The following PPP2R2B variants were observed in gnomAD, a reference collection of about 807,000 sequenced individuals.
PPP2R2B encodes the protein protein phosphatase 2 regulatory subunit Bbeta, also known as serine/threonine-protein phosphatase 2A 55 kDa regulatory subunit B beta isoform.
A neutral mutation model predicts 46.0 loss-of-function variants in PPP2R2B; 5 were observed. The ratio of observed to expected loss-of-function variants is 0.11; its 90% CI spans 0.06 to 0.23. The LOEUF (loss-of-function observed/expected upper bound fraction) is 0.23, where lower values mean the gene tolerates loss of function less well. PPP2R2B is among the 10% of genes least tolerant of loss of function. The pLI, the probability that PPP2R2B is intolerant of heterozygous loss-of-function variation, is 1.00. For synonymous variants in PPP2R2B, 215 were observed against 206.7 expected, an observed-to-expected ratio of 1.04 and a Z score of -0.34; for missense variants, 367 against 575.0, an observed-to-expected ratio of 0.64 and a Z score of 3.70.
intron 1 of PPP2R2B, among the ~76,000 whole-genome samples, chr5:146,896,220 T>A (rs948734812): frequency 1.3e-5 from 2 of 152,160 alleles, no homozygotes; most frequent in African/African-American, 4.8e-5. Context: ...AATCAAATCA[T>A]CCACAATTTG....
intron 2 of PPP2R2B, among the ~76,000 whole-genome samples, chr5:146,721,226 T>C (rs1329316408): frequency 6.6e-6 from 1 of 152,232 alleles, no homozygotes; most frequent in East Asian, 1.9e-4. Context: ...TTTCACTATT[T>C]AATCTTCTGC....
chr5:146,903,098 A>G (rs1168176581), intron 1 of PPP2R2B, among the ~76,000 whole-genome samples: 1 of 152,216 alleles, frequency 6.6e-6, no homozygotes, highest in Non-Finnish European at 1.5e-5. Flanking sequence ...TGTTAAAGAG[A>G]TTTATAAAAA....
At chr5:146,672,568 G>T (rs1251106274) in intron 5 of PPP2R2B, among the ~76,000 whole-genome samples, 1 of 152,126 alleles carries the variant, frequency 6.6e-6, no homozygotes, top group Non-Finnish European at 1.5e-5. Context: ...GCATGTACCA[G>T]ATTAAAGTTA....
intron 2 of PPP2R2B, among the ~76,000 whole-genome samples, chr5:146,707,808 TACA>T (rs1779956603): frequency 6.6e-6 from 1 of 152,238 alleles, no homozygotes; most frequent in African/African-American, 2.4e-5. Flanking sequence ...TGTTAATGAC[TACA>T]CATACCCACA....
intron 2 of PPP2R2B, among the ~76,000 whole-genome samples, chr5:146,851,462 TGTGA>T (rs1760347160): frequency 6.6e-6 from 1 of 152,142 alleles, no homozygotes; most frequent in Non-Finnish European, 1.5e-5. Flanking sequence ...TCCTGTTCCA[TGTGA>T]GTGAGATCAT....
At chr5:146,750,912 C>T (rs1753517253) in intron 2 of PPP2R2B, among the ~76,000 whole-genome samples, 1 of 152,134 alleles carries the variant, frequency 6.6e-6, no homozygotes, top group African/African-American at 2.4e-5. Context: ...AAGGTCCCCA[C>T]CCTCAGGGAA....
intron 7 of PPP2R2B, among the ~76,000 whole-genome samples, chr5:146,615,818 C>A (rs1773116565): frequency 6.6e-6 from 1 of 152,084 alleles, no homozygotes; most frequent in African/African-American, 2.4e-5. Flanking sequence ...TCCATGCCAC[C>A]CAAAGCAGTC....
intron 5 of PPP2R2B, among the ~76,000 whole-genome samples, chr5:146,669,416 A>C (rs372712525): frequency 6.6e-6 from 1 of 152,088 alleles, no homozygotes; most frequent in African/African-American, 2.4e-5. Flanking sequence ...CTAAGGTTTA[A>C]GGAAGTATAT....
At chr5:146,972,810 A>G (rs1311418567) in intron 1 of PPP2R2B, among the ~76,000 whole-genome samples, 1 of 152,150 alleles carries the variant, frequency 6.6e-6, no homozygotes, top group Non-Finnish European at 1.5e-5. Context: ...CTTAAGGACC[A>G]TCTATATTTT....
chr5:146,767,580 C>T (rs1754568295), intron 2 of PPP2R2B, among the ~76,000 whole-genome samples: 1 of 151,864 alleles, frequency 6.6e-6, no homozygotes. Context: ...ATTTAGTAGA[C>T]TTTTTTAGAG....
intron 5 of PPP2R2B, among the ~76,000 whole-genome samples, chr5:146,654,504 A>G (rs894534878): frequency 6.6e-6 from 1 of 152,240 alleles, no homozygotes; most frequent in Non-Finnish European, 1.5e-5. Flanking sequence ...TGGATGTGAC[A>G]TCAAATCAGG....
At chr5:146,991,093 A>T (rs569163750) in intron 1 of PPP2R2B, among the ~76,000 whole-genome samples, 34 of 152,226 alleles carry the variant, frequency 2.2e-4, no homozygotes, top group African/African-American at 7.0e-4. Flanking sequence ...GAAGATACAG[A>T]CAAAAGGGAA....
At chr5:146,707,015 C>A (rs1779905809) in intron 2 of PPP2R2B, 2 of 1,017,398 alleles carry the variant, frequency 2.0e-6, no homozygotes, top group Non-Finnish European at 3.1e-6. Context: ...GCTTCATCCA[C>A]ATCCTTCTTG....
chr5:146,996,205 AG>A (rs1753916260), intron 1 of PPP2R2B, among the ~76,000 whole-genome samples: 1 of 152,150 alleles, frequency 6.6e-6, no homozygotes, highest in African/African-American at 2.4e-5. Context: ...GTCATCAGAG[AG>A]GAAAAAAGTA....
chr5:146,864,290 G>A (rs1363573707), intron 2 of PPP2R2B, among the ~76,000 whole-genome samples: 1 of 149,758 alleles, frequency 6.7e-6, no homozygotes, highest in Non-Finnish European at 1.5e-5. Context: ...CCAGTTTTGG[G>A]AGAAGACTAG....
intron 1 of PPP2R2B, among the ~76,000 whole-genome samples, chr5:146,956,041 T>C (rs1477009581): frequency 3.3e-5 from 5 of 152,004 alleles, no homozygotes; most frequent in Non-Finnish European, 5.9e-5. Flanking sequence ...CTTCCCAAAG[T>C]GCTGGGATTA....
At chr5:146,977,009 A>G (rs1320646577) in intron 1 of PPP2R2B, among the ~76,000 whole-genome samples, 1 of 151,482 alleles carries the variant, frequency 6.6e-6, no homozygotes, top group Non-Finnish European at 1.5e-5. Flanking sequence ...TAACAACTTC[A>G]TCTTTCTCTT....
chr5:146,837,070 A>G (rs987416664), intron 2 of PPP2R2B, among the ~76,000 whole-genome samples: 10 of 152,256 alleles, frequency 6.6e-5, no homozygotes, highest in Non-Finnish European at 1.0e-4. Context: ...ATCCACAAGT[A>G]CAGACAGTTA....
At chr5:146,809,239 G>T (rs921516947) in intron 2 of PPP2R2B, among the ~76,000 whole-genome samples, 1 of 152,106 alleles carries the variant, frequency 6.6e-6, no homozygotes, top group African/African-American at 2.4e-5. Context: ...AAATAATGGA[G>T]ACAGAAATTC....
Sources: allele counts gnomAD v4.1 joint callset (sites outside exome capture counted in the v4.1 genomes callset), GRCh38; gene constraint gnomAD v4.1.1; transcripts MANE v1.5; gene names NCBI Gene and HGNC (gene_info 2026-07-23, HGNC 2026-07-21).